Variants in ZC3H12D observed in about 807,000 individuals in gnomAD.
ZC3H12D encodes the protein probable ribonuclease ZC3H12D.
In ZC3H12D, 11 loss-of-function variants were observed where a neutral mutation model predicts 24.2. That is an observed-to-expected ratio of 0.46 (90% CI 0.29 to 0.75). ZC3H12D has a LOEUF of 0.75. Among genes scored for constraint, ZC3H12D ranks in the 30% least tolerant of loss-of-function variants. The probability of loss-of-function intolerance (pLI) is 0.11; values close to 1 mark genes in which losing one functional copy is unlikely to be tolerated. For missense variants in ZC3H12D, 740 were observed against 767.7 expected (o/e 0.96, Z 0.43); for synonymous variants, 333 against 341.8 (o/e 0.97, Z 0.28).
In ZC3H12D at chr6:149,450,878, C is replaced by T. The variant is rs1031090318; in HGVS notation, c.1389G>A (p.Gly463=). Residue 463 remains glycine, a synonymous_variant, in exon 6 of 6, where the codon GGG becomes GGA. Transcript: ENST00000409806. The part of the protein sequence containing the change: ...AEPAWGDGAT[G]GLSVYATEDD... ...CCTCGGTCGCGTACACTGAAAGTCC[C>T]CCAGTGGCGCCGTCGCCCCAGGCCG... 29 of 1,541,642 alleles carry T rather than the reference C, an allele frequency of 1.9e-5. No individual in the cohort carries two copies. The highest frequency in any genetic ancestry group is 2.5e-5 in the Non-Finnish European group (29 of 1,146,590).
intron 2 of ZC3H12D, 126 bp downstream of exon 2, chr6:149,474,113 G>T (rs758365590): frequency 4.0e-6 from 3 of 747,180 alleles, no homozygotes; most frequent in Non-Finnish European, 5.9e-6. Context: ...GATGGTACAG[G>T]GATTCAAAGC....
chr6:149,472,139 G>C (rs1382598285), intron 2 of ZC3H12D, among the ~76,000 whole-genome samples: 1 of 152,206 alleles, frequency 6.6e-6, no homozygotes, highest in Non-Finnish European at 1.5e-5. Flanking sequence ...CATGAGTCCT[G>C]TTAAAAGTCC....
At position 149,484,845 on chromosome 6, in the gene ZC3H12D, A is replaced by G. The variant is rs955435428; in HGVS notation, c.-103T>C. On this transcript the variant is annotated 5_prime_UTR_variant, in exon 1 of 6. Coordinates refer to ENST00000409806, the MANE Select transcript of ZC3H12D (RefSeq NM_207360.3). ...GTGTGTCCCTCCGGTCTTCACAATG[A>G]ATGCTGGCCCAGTCGCCAGCAGCCT... is the stretch of plus-strand genomic sequence containing the variant. 1 of 152,150 alleles carries G rather than the reference A, an allele frequency of 6.6e-6. No individual in the cohort carries two copies. Among genetic ancestry groups the G allele is most frequent in the Admixed American group, 6.5e-5 (1 of 15,284 alleles). The allele number at this position is 152,150 out of a possible 1,614,324, so 9.4% of individuals were successfully genotyped here.
intron 2 of ZC3H12D, among the ~76,000 whole-genome samples, chr6:149,469,862 C>G (rs1278219121): frequency 6.6e-6 from 1 of 152,172 alleles, no homozygotes; most frequent in Non-Finnish European, 1.5e-5. Context: ...TTGTCAACTG[C>G]AGCCAGAGCC....
In ZC3H12D at chr6:149,447,748, A is replaced by G. The variant is rs1197361437; in HGVS notation, c.*2935T>C. 6.6e-6 allele frequency: 1 copy of G among 152,136 alleles called. No homozygotes were observed. The highest frequency in any genetic ancestry group is 1.5e-5 in the Non-Finnish European group (1 of 68,034). 9.4% of individuals were successfully genotyped at this position (152,136 alleles called of 1,614,324 possible). A position where few individuals can be genotyped will look rare whatever the true frequency, so the allele number is the denominator to read the frequency against. On this transcript the variant is annotated 3_prime_UTR_variant, in exon 6 of 6. Coordinates refer to ENST00000409806, the MANE Select transcript of ZC3H12D (RefSeq NM_207360.3). ...AGACATATACTAAGACTTTGGAAAA[A>G]TTCCAAAGGGGATTACACTTGAAAT...
chr6:149,482,547 G>C (rs559014934), intron 1 of ZC3H12D, among the ~76,000 whole-genome samples: 3 of 152,274 alleles, frequency 2.0e-5, no homozygotes, highest in South Asian at 2.1e-4. Context: ...GGGTGGGTTC[G>C]GGGCGGCCTG....
At position 149,449,925 on chromosome 6, in the gene ZC3H12D, C is replaced by CTGCGTGTGTG. The variant is rs61206923; in HGVS notation, c.*757_*758insCACACACGCA. Reference sequence around the variant, plus strand: ...TGTGAGTATGTACATGTATGATAGACTGTGTGTGTGTGTGTGTGTGTGTGT... The same window carrying CTGCGTGTGTG: ...TGTGAGTATGTACATGTATGATAGACTGCGTGTGTGTGTGTGTGTGTGTGTGTGTGTGTGT... On this transcript the variant is annotated 3_prime_UTR_variant, in exon 6 of 6. Transcript: ENST00000409806. 8.1e-3 allele frequency: 1,160 copies of CTGCGTGTGTG among 144,098 alleles called. 30 individuals are homozygous for CTGCGTGTGTG. The highest frequency in any genetic ancestry group is 0.046 in the South Asian group (207 of 4,470). The allele number at this position is 144,098 out of a possible 1,614,324, so 8.9% of individuals were successfully genotyped here.
chr6:149,461,209 C>T (rs416044), intron 3 of ZC3H12D, among the ~76,000 whole-genome samples: 55,202 of 151,536 alleles, frequency 0.36, 10,569 homozygotes, highest in African/African-American at 0.46. Context: ...GGTGTGGTGG[C>T]ACATGCATGT....
At chr6:149,462,026 T>G in intron 2 of ZC3H12D, 56 bp from the exon 3 acceptor site, 1 of 1,561,228 alleles carries the variant, frequency 6.4e-7, no homozygotes. Flanking sequence ...CTAAGAGTGA[T>G]TTCCCTGCGA....
intron 2 of ZC3H12D, among the ~76,000 whole-genome samples, chr6:149,471,613 T>G (rs1776244246): frequency 6.6e-6 from 1 of 152,260 alleles, no homozygotes; most frequent in Admixed American, 6.5e-5. Context: ...AACACATATA[T>G]GTACACAGAC....
intron 1 of ZC3H12D, among the ~76,000 whole-genome samples, chr6:149,481,087 T>C (rs1164446754): frequency 3.0e-5 from 2 of 65,864 alleles, no homozygotes; most frequent in Non-Finnish European, 4.7e-5. Context: ...AGCCTCTCAC[T>C]GAGCCCAAAG....
intron 3 of ZC3H12D, among the ~76,000 whole-genome samples, chr6:149,461,510 A>G (rs377532): frequency 0.36 from 55,301 of 151,992 alleles, 10,587 homozygotes; most frequent in African/African-American, 0.46. Context: ...GTGTCTCTTC[A>G]GGTGTTAAAA....
At chr6:149,468,548 G>A (rs1024477085) in intron 2 of ZC3H12D, among the ~76,000 whole-genome samples, 2 of 152,190 alleles carry the variant, frequency 1.3e-5, no homozygotes, top group Non-Finnish European at 2.9e-5. Flanking sequence ...GATTCCTCAG[G>A]GGTCTGAGAT....
chr6:149,468,923 C>T (rs1776202236), intron 2 of ZC3H12D, among the ~76,000 whole-genome samples: 2 of 152,170 alleles, frequency 1.3e-5, no homozygotes, highest in Admixed American at 6.5e-5. Context: ...CCAGCACAAA[C>T]CAGAGCCTGC....
chr6:149,482,497 G>T (rs916667489), intron 1 of ZC3H12D, among the ~76,000 whole-genome samples: 4 of 152,216 alleles, frequency 2.6e-5, no homozygotes, highest in Admixed American at 6.5e-5. Flanking sequence ...GCCCTGGGAG[G>T]TCACAGGAGC....
chr6:149,466,160 A>G lies in ZC3H12D; in HGVS notation c.306-4190T>C, dbSNP rs1176966805. 2.0e-5 allele frequency among the ~76,000 whole-genome samples: 3 copies of G among 152,098 alleles called. No individual in the cohort carries two copies. The East Asian group carries it at 5.8e-4, about 29-fold the overall frequency. On this transcript the variant is annotated intron_variant, in intron 2 of 5. Transcript: ENST00000409806. Reference sequence around the variant, plus strand: ...AAGCCAGCATGGCTCCCAGAAGGCCACTTCCATGTTTCCCGTTTAGAGGCC... The same window carrying G: ...AAGCCAGCATGGCTCCCAGAAGGCCGCTTCCATGTTTCCCGTTTAGAGGCC...
intron 2 of ZC3H12D, among the ~76,000 whole-genome samples, chr6:149,462,338 C>T (rs554029439): frequency 1.2e-3 from 177 of 152,250 alleles, no homozygotes; most frequent in Non-Finnish European, 2.0e-3. Flanking sequence ...CCCACCACTG[C>T]ACTCCGGCCT....
At chr6:149,457,659 T>C (rs1170290744) in intron 3 of ZC3H12D, among the ~76,000 whole-genome samples, 1 of 152,114 alleles carries the variant, frequency 6.6e-6, no homozygotes, top group Non-Finnish European at 1.5e-5. Context: ...CAAAAACTAG[T>C]CAAGAGGTAA....
chr6:149,469,257 A>C (rs2789499), intron 2 of ZC3H12D, among the ~76,000 whole-genome samples: 23,932 of 152,108 alleles, frequency 0.16, 2,255 homozygotes, highest in East Asian at 0.36. Context: ...GGAGATCGAG[A>C]CCATCCTGGC....
Sources: allele counts gnomAD v4.1 joint callset (sites outside exome capture counted in the v4.1 genomes callset), GRCh38; gene constraint gnomAD v4.1.1; transcripts MANE v1.5; gene names NCBI Gene and HGNC (gene_info 2026-07-23, HGNC 2026-07-21).